The following BEST3 variants were observed in gnomAD, a reference collection of about 807,000 sequenced individuals.
The protein encoded by BEST3 is bestrophin-3.
In BEST3, 50 loss-of-function variants were observed where a neutral mutation model predicts 47.1. The ratio of observed to expected loss-of-function variants is 1.06; its 90% CI spans 0.85 to 1.34. The LOEUF is 1.34. BEST3 is among the 40% of genes most tolerant of loss of function. The probability of loss-of-function intolerance (pLI) is 0.00; values close to 1 mark genes in which losing one functional copy is unlikely to be tolerated. For synonymous variants in BEST3, 282 were observed against 298.8 expected (o/e 0.94, Z 0.58); for missense variants, 765 against 817.0 (o/e 0.94, Z 0.78).
rs189480207 is a variant in BEST3, at chr12:69,653,730, G to T, written c.*1177C>A. The T allele has an allele frequency of 2.5e-4, 244 of 985,414 alleles. 1 individual carries two copies. In the African/African-American group the frequency reaches 3.6e-3, roughly 14 times the overall value. The allele number at this position is 985,414 out of a possible 1,614,324, so 61.0% of individuals were successfully genotyped here. On this transcript the variant is annotated 3_prime_UTR_variant, in exon 10 of 10. Coordinates refer to ENST00000330891, the MANE Select transcript of BEST3 (RefSeq NM_032735.3). ...ACTTGGGAGCCCACGACAAACAGCTGTCCTGAGAGCTCCCTGGGAGGAGTA... is the reference window on the plus strand; with the variant it reads ...ACTTGGGAGCCCACGACAAACAGCTTTCCTGAGAGCTCCCTGGGAGGAGTA...
In BEST3 at chr12:69,694,440, T is replaced by C; in HGVS notation, c.177A>G (p.Lys59=). 6.7e-7 allele frequency: 1 copy of C among 1,503,752 alleles called. No homozygotes were observed. The highest frequency in any genetic ancestry group is 9.2e-7 in the Non-Finnish European group (1 of 1,088,246). 93.2% of individuals were successfully genotyped at this position (1,503,752 alleles called of 1,614,324 possible). A position where few individuals can be genotyped will look rare whatever the true frequency, so the allele number is the denominator to read the frequency against. Residue 59 remains lysine, a synonymous_variant, in exon 3 of 10, where the codon AAA becomes AAG. Transcript: ENST00000330891. The part of the protein sequence containing the change: ...VYRLLLTGVQ[K]RYFEKLSIYC... ...AAATTGATAATTTTTCAAAGTAACG[T>C]TTTTGGACTCCTGTAAGTAACAATC...
intron 4 of BEST3, among the ~76,000 whole-genome samples, chr12:69,693,140 A>G (rs1279228513): frequency 2.0e-5 from 3 of 152,130 alleles, no homozygotes; most frequent in Non-Finnish European, 4.4e-5. Context: ...TGAGGGCAGG[A>G]ACCATGTCTT....
At chr12:69,681,912 C>T (rs1885274219) in intron 4 of BEST3, among the ~76,000 whole-genome samples, 1 of 151,926 alleles carries the variant, frequency 6.6e-6, no homozygotes, top group South Asian at 2.1e-4. Context: ...GAAACCCAGT[C>T]TCTACTAAAA....
chr12:69,698,650 G>A (rs1395899166), intron 1 of BEST3, among the ~76,000 whole-genome samples: 3 of 152,198 alleles, frequency 2.0e-5, no homozygotes, highest in Non-Finnish European at 4.4e-5. Context: ...GAAGCTTTTA[G>A]ATAGAATTGT....
At chr12:69,679,744 C>T (rs532332082) in intron 4 of BEST3, among the ~76,000 whole-genome samples, 1 of 152,284 alleles carries the variant, frequency 6.6e-6, no homozygotes, top group Non-Finnish European at 1.5e-5. Flanking sequence ...GCCTGTAATC[C>T]CAGCTGCTGG....
rs910266344 is a variant in BEST3, at chr12:69,674,526, A to G, written c.868-1561T>C. Among the ~76,000 whole-genome samples the G allele has an allele frequency of 5.3e-5, 8 of 152,272 alleles. No individual in the cohort carries two copies. In the East Asian group the frequency reaches 1.5e-3, roughly 29 times the overall value. On this transcript the variant is annotated intron_variant, in intron 7 of 9. Coordinates refer to ENST00000330891, the MANE Select transcript of BEST3 (RefSeq NM_032735.3). ...TGATATCTATGTTGAAGTTCTTGTC[A>G]CTAGTTCCATGGGGCTATCTGCCCT...
Position 69,654,630 on chromosome 12 carries a change from AT to A in BEST3, c.*276del. Reference sequence around the variant, plus strand: ...TTTATAAGTCATGTATGTTTTTCAGATTCCTTTTTTTGGTTAAGACTTATTT... The same window carrying A: ...TTTATAAGTCATGTATGTTTTTCAGATCCTTTTTTTGGTTAAGACTTATTT... On this transcript the variant is annotated 3_prime_UTR_variant, in exon 10 of 10. Transcript: ENST00000330891. 1 of 1,163,946 alleles carries A rather than the reference AT, an allele frequency of 8.6e-7. No homozygotes were observed. The allele number at this position is 1,163,946 out of a possible 1,614,324, so 72.1% of individuals were successfully genotyped here. A position where few individuals can be genotyped will look rare whatever the true frequency, so the allele number is the denominator to read the frequency against.
intron 4 of BEST3, among the ~76,000 whole-genome samples, chr12:69,681,703 C>A (rs1885261961): frequency 2.0e-5 from 3 of 152,130 alleles, no homozygotes; most frequent in African/African-American, 7.2e-5. Flanking sequence ...TGGACCCCGA[C>A]CCTGACTACT....
rs1170648271 is a variant in BEST3, at chr12:69,653,649, C to G, written c.*1258G>C. Reference sequence around the variant, plus strand: ...TTTTATTTCTAAAGCCATATGTAGTCAAGTGCCATCATATGACAAATGGTA... The same window carrying G: ...TTTTATTTCTAAAGCCATATGTAGTGAAGTGCCATCATATGACAAATGGTA... On this transcript the variant is annotated 3_prime_UTR_variant, in exon 10 of 10. Coordinates refer to ENST00000330891, the MANE Select transcript of BEST3 (RefSeq NM_032735.3). 1 of 985,264 alleles carries G rather than the reference C, an allele frequency of 1.0e-6. No homozygotes were observed. Among genetic ancestry groups the G allele is most frequent in the Non-Finnish European group, 1.2e-6 (1 of 829,940 alleles). 61.0% of individuals were successfully genotyped at this position (985,264 alleles called of 1,614,324 possible). A position where few individuals can be genotyped will look rare whatever the true frequency, so the allele number is the denominator to read the frequency against.
At chr12:69,670,979 C>T (rs1884532830) in intron 9 of BEST3, among the ~76,000 whole-genome samples, 1 of 152,016 alleles carries the variant, frequency 6.6e-6, no homozygotes, top group South Asian at 2.1e-4. Flanking sequence ...TACTTCAGGC[C>T]TCAACTCATT....
intron 4 of BEST3, among the ~76,000 whole-genome samples, chr12:69,682,423 G>T (rs964355230): frequency 1.3e-5 from 2 of 152,204 alleles, no homozygotes; most frequent in Non-Finnish European, 2.9e-5. Flanking sequence ...TTCTCTCCAT[G>T]CCTGGAGAAT....
intron 4 of BEST3, among the ~76,000 whole-genome samples, chr12:69,687,032 C>T (rs1186706476): frequency 6.6e-6 from 1 of 152,172 alleles, no homozygotes; most frequent in Non-Finnish European, 1.5e-5. Flanking sequence ...GAAAGGTGGC[C>T]TTTCAACCCA....
intron 4 of BEST3, among the ~76,000 whole-genome samples, chr12:69,693,065 A>C (rs1468033204): frequency 1.3e-5 from 2 of 152,168 alleles, no homozygotes; most frequent in Non-Finnish European, 1.5e-5. Context: ...TATGATAATT[A>C]TTATGTTTAC....
At chr12:69,649,308 CTT>C (rs561399377), downstream of BEST3, among the ~76,000 whole-genome samples, 362 of 152,316 alleles carry the variant, frequency 2.4e-3, 3 homozygotes, top group African/African-American at 8.1e-3. Flanking sequence ...TGTTGTCACT[CTT>C]TATATAAAGT....
intron 8 of BEST3, 118 bp from the exon 9 acceptor site, chr12:69,671,697 A>G (rs921157033): frequency 1.1e-6 from 1 of 893,392 alleles, no homozygotes; most frequent in Non-Finnish European, 1.8e-6. Flanking sequence ...GAGTGAATAT[A>G]CAAATGTCTG....
chr12:69,646,134 T>TTC (rs1300278995), intron 9 of BEST3, among the ~76,000 whole-genome samples: 1 of 152,092 alleles, frequency 6.6e-6, no homozygotes. Context: ...GATGGGGTTT[T>TTC]GCCATGTTGG....
At chr12:69,647,128 G>T (rs1565816110) in intron 9 of BEST3, among the ~76,000 whole-genome samples, 1 of 152,214 alleles carries the variant, frequency 6.6e-6, no homozygotes, top group African/African-American at 2.4e-5. Flanking sequence ...AACAAGTGAT[G>T]CTGGCCATTT....
intron 4 of BEST3, chr12:69,687,253 T>C (rs1401549562): frequency 6.6e-6 from 1 of 152,228 alleles, no homozygotes; most frequent in Non-Finnish European, 1.5e-5. Flanking sequence ...TTAATGTCTG[T>C]TAACCATAAG....
chr12:69,660,816 T>A (rs1349318551), intron 9 of BEST3: 1 of 152,180 alleles, frequency 6.6e-6, no homozygotes, highest in African/African-American at 2.4e-5. Context: ...AGGGAGAGCA[T>A]GCATTATTTC....
Sources: allele counts gnomAD v4.1 joint callset (sites outside exome capture counted in the v4.1 genomes callset), GRCh38; gene constraint gnomAD v4.1.1; transcripts MANE v1.5; gene names NCBI Gene and HGNC (gene_info 2026-07-23, HGNC 2026-07-21).